FCER2: variants seen among roughly 807,000 people sequenced by gnomAD.
FCER2 encodes Fc epsilon receptor II, also known as low affinity immunoglobulin epsilon Fc receptor.
FCER2 carries 38 observed loss-of-function variants against 49.7 expected under a neutral mutation model. The ratio of observed to expected loss-of-function variants is 0.76; its 90% CI spans 0.59 to 1.00. The LOEUF is 1.00. FCER2 is among the 50% of genes least tolerant of loss of function. The pLI is 0.00. For synonymous variants in FCER2, 163 were observed against 164.6 expected, an observed-to-expected ratio of 0.99 and a Z score of 0.07; for missense variants, 425 against 419.5, an observed-to-expected ratio of 1.01 and a Z score of -0.11.
chr19:7,693,953 ATTTT>A (rs368201774), intron 8 of FCER2, among the ~76,000 whole-genome samples: 1 of 140,498 alleles, frequency 7.1e-6, no homozygotes. Flanking sequence ...CCAGCCACAG[ATTTT>A]TTTTTTTTTT....
At chr19:7,697,626 T>C (rs111800408) in intron 4 of FCER2, 37 bp from the exon 5 acceptor site, 2 of 1,592,294 alleles carry the variant, frequency 1.3e-6, no homozygotes. Flanking sequence ...CCCAGGAACC[T>C]CAAAGGCAGG....
intron 8 of FCER2, among the ~76,000 whole-genome samples, chr19:7,691,932 G>A (rs1441190950): frequency 6.6e-6 from 1 of 151,424 alleles, no homozygotes; most frequent in East Asian, 1.9e-4. Flanking sequence ...ATACATTCAT[G>A]TCCAACAACA....
rs1369442644 is a variant in FCER2 at position 7,696,350 on chromosome 19, C to T, written c.469+475G>A. Among the ~76,000 whole-genome samples the T allele has an allele frequency of 3.3e-5, 5 of 152,066 alleles. No individual in the cohort carries two copies. The East Asian group carries it at 9.7e-4, about 29-fold the overall frequency. ...TCCTGACCTCACATAATCTATCCGC[C>T]TCGACCTCCCTAAGTGCTGGGATTA... On this transcript the variant is annotated intron_variant, in intron 8 of 10. Coordinates refer to ENST00000597921, the MANE Select transcript of FCER2 (RefSeq NM_001220500.2).
chr19:7,699,489 T>TC, intron 2 of FCER2: 1 of 1,341,488 alleles, frequency 7.5e-7, no homozygotes, highest in Non-Finnish European at 9.7e-7. Flanking sequence ...TTTTTTTTTT[T>TC]TTTCTTTTTC....
At chr19:7,693,953 ATTTTTTTTTTTT>A (rs368201774) in intron 8 of FCER2, among the ~76,000 whole-genome samples, 40,090 of 140,618 alleles carry the variant, frequency 0.29, 6,103 homozygotes, top group African/African-American at 0.43. Context: ...CCAGCCACAG[ATTTTTTTTTTTT>A]TTTTTTTAAA....
intron 8 of FCER2, among the ~76,000 whole-genome samples, chr19:7,695,959 C>T (rs1396750961): frequency 1.5e-5 from 2 of 135,336 alleles, no homozygotes; most frequent in Non-Finnish European, 3.0e-5. Flanking sequence ...CAGAGTCTCG[C>T]TCTGTTGCCC....
intron 8 of FCER2, among the ~76,000 whole-genome samples, chr19:7,694,861 G>A (rs921148633): frequency 3.9e-5 from 6 of 151,964 alleles, no homozygotes; most frequent in African/African-American, 1.5e-4. Context: ...CAGAGGCAAG[G>A]TCCCACTCTG....
At chr19:7,697,475 C>T in intron 5 of FCER2, 52 bp downstream of exon 5, 1 of 1,551,924 alleles carries the variant, frequency 6.4e-7, no homozygotes, top group Non-Finnish European at 8.9e-7. Flanking sequence ...AGGAAGTCAT[C>T]CAAGACCCCC....
At chr19:7,691,125 T>C (rs879908209) in intron 8 of FCER2, among the ~76,000 whole-genome samples, 231 of 69,330 alleles carry the variant, frequency 3.3e-3, no homozygotes, top group African/African-American at 7.4e-3. Context: ...TCATGTCCAA[T>C]AATATTTCAA....
chr19:7,698,444 G>A (rs1223098047), intron 3 of FCER2, 35 bp from the exon 4 acceptor site: 4 of 1,546,740 alleles, frequency 2.6e-6, no homozygotes, highest in Admixed American at 3.5e-5. Context: ...TGGAGAGGGG[G>A]GATTGTCAGT....
At chr19:7,699,366 T>G in intron 2 of FCER2, 1 of 1,336,696 alleles carries the variant, frequency 7.5e-7, no homozygotes, top group Non-Finnish European at 9.8e-7. Context: ...CCCCTGGCCC[T>G]CTGCACTCAC....
At chr19:7,690,309 G>T (rs764237783) in intron 9 of FCER2, 44 bp from the exon 10 acceptor site, 4 of 1,607,868 alleles carry the variant, frequency 2.5e-6, no homozygotes, top group Non-Finnish European at 3.4e-6. Flanking sequence ...CATGTGCCCG[G>T]GGCCTTCCAG....
chr19:7,700,692 T>C (rs1779078242), intron 1 of FCER2, among the ~76,000 whole-genome samples: 1 of 151,842 alleles, frequency 6.6e-6, no homozygotes, highest in Admixed American at 6.6e-5. Flanking sequence ...TTTTTGTATT[T>C]TTAGTAGAGA....
At chr19:7,696,646 G>A (rs1428262253) in intron 8 of FCER2, 179 bp downstream of exon 8, 10 of 603,860 alleles carry the variant, frequency 1.7e-5, no homozygotes, top group East Asian at 1.1e-4. Flanking sequence ...CCTCTGCCTC[G>A]CATCCAAGCA....
At chr19:7,698,455 GC>G in intron 3 of FCER2, 46 bp from the exon 4 acceptor site, 1 of 1,411,740 alleles carries the variant, frequency 7.1e-7, no homozygotes, top group Non-Finnish European at 9.9e-7. Context: ...GATTGTCAGT[GC>G]CCCCACCTGC....
intron 8 of FCER2, among the ~76,000 whole-genome samples, chr19:7,696,321 G>T: frequency 6.6e-6 from 1 of 151,930 alleles, no homozygotes; most frequent in African/African-American, 2.4e-5. Context: ...GACTGGTCTC[G>T]AACTCCTGAC....
At chr19:7,695,130 C>T (rs562104514) in intron 8 of FCER2, among the ~76,000 whole-genome samples, 11 of 152,298 alleles carry the variant, frequency 7.2e-5, no homozygotes, top group African/African-American at 2.4e-4. Flanking sequence ...GCCAGTGCAC[C>T]TGGTCCCTAC....
chr19:7,695,564 C>G (rs1378920324), intron 8 of FCER2, among the ~76,000 whole-genome samples: 1 of 152,052 alleles, frequency 6.6e-6, no homozygotes, highest in Non-Finnish European at 1.5e-5. Context: ...TTGCTGGAGC[C>G]CAGGAGTTCA....
In FCER2 at chr19:7,698,421, G is replaced by A. The variant is rs746927948; in HGVS notation, c.137-12C>T. 6.2e-6 allele frequency: 10 copies of A among 1,603,042 alleles called. No individual in the cohort carries two copies. The East Asian group carries it at 1.8e-4, about 29-fold the overall frequency. ...TGTGGTGTCCCAGTCTGGGGAGGGG[G>A]AGAGAAGAGGAGTGGAGAGGGGGGA... On this transcript the variant is annotated splice_polypyrimidine_tract_variant and intron_variant, in intron 3 of 10. Coordinates refer to ENST00000597921, the MANE Select transcript of FCER2 (RefSeq NM_001220500.2).
Sources: allele counts gnomAD v4.1 joint callset (sites outside exome capture counted in the v4.1 genomes callset), GRCh38; gene constraint gnomAD v4.1.1; transcripts MANE v1.5; gene names NCBI Gene and HGNC (gene_info 2026-07-23, HGNC 2026-07-21).